Variants in ST3GAL1 observed in about 807,000 individuals in gnomAD.
ST3GAL1 encodes CMP-N-acetylneuraminate-beta-galactosamide-alpha-2,3-sialyltransferase 1.
Under a neutral mutation model 34.1 loss-of-function variants are expected in ST3GAL1, and 16 were observed. The ratio of observed to expected loss-of-function variants is 0.47; its 90% CI spans 0.32 to 0.71. The LOEUF is 0.71. ST3GAL1 is among the 30% of genes least tolerant of loss of function. The pLI, the probability that ST3GAL1 is intolerant of heterozygous loss-of-function variation, is 0.04. For missense variants in ST3GAL1, 353 were observed against 447.4 expected (o/e 0.79, Z 1.90); for synonymous variants, 191 against 184.7 (o/e 1.03, Z -0.28).
At chr8:133,480,538 T>A (rs931589510) in intron 3 of ST3GAL1, among the ~76,000 whole-genome samples, 2 of 152,168 alleles carry the variant, frequency 1.3e-5, no homozygotes, top group Non-Finnish European at 2.9e-5. Context: ...GTGCAGGCTG[T>A]TGGCAAAATT....
At chr8:133,530,575 G>A (rs746115099) in intron 2 of ST3GAL1, among the ~76,000 whole-genome samples, 8 of 152,174 alleles carry the variant, frequency 5.3e-5, no homozygotes, top group Non-Finnish European at 1.0e-4. Context: ...GTGCCACCGT[G>A]CCCAGTCCCT....
chr8:133,551,617 A>AGAAAGAGC (rs1491276488), intron 1 of ST3GAL1, among the ~76,000 whole-genome samples: 2 of 141,644 alleles, frequency 1.4e-5, no homozygotes, highest in African/African-American at 2.6e-5. Context: ...AAAGAAAGAA[A>AGAAAGAGC]GAGCGAGCAA....
At chr8:133,478,867 C>T (rs1816278012) in intron 3 of ST3GAL1, among the ~76,000 whole-genome samples, 1 of 152,218 alleles carries the variant, frequency 6.6e-6, no homozygotes, top group Admixed American at 6.5e-5. Flanking sequence ...GTGACCCTGT[C>T]ACCCGTGCAC....
intron 2 of ST3GAL1, among the ~76,000 whole-genome samples, chr8:133,504,589 T>C (rs574053463): frequency 6.6e-6 from 1 of 152,206 alleles, no homozygotes; most frequent in African/African-American, 2.4e-5. Flanking sequence ...TAGTTTGTTT[T>C]TCCCCCAAGT....
chr8:133,542,779 C>CAAAAAAAAAA (rs35321251), intron 2 of ST3GAL1, among the ~76,000 whole-genome samples: 6 of 85,504 alleles, frequency 7.0e-5, no homozygotes, highest in Non-Finnish European at 9.2e-5. Context: ...TCCTCCATCT[C>CAAAAAAAAAA]AAAAAAAAAA....
intron 1 of ST3GAL1, among the ~76,000 whole-genome samples, chr8:133,558,970 CA>C (rs1819137583): frequency 6.6e-6 from 1 of 151,944 alleles, no homozygotes; most frequent in South Asian, 2.1e-4. Flanking sequence ...TCCCACACCC[CA>C]AAAAGCTGTG....
intron 2 of ST3GAL1, among the ~76,000 whole-genome samples, chr8:133,544,776 A>G (rs1216158986): frequency 6.6e-6 from 1 of 152,210 alleles, no homozygotes; most frequent in African/African-American, 2.4e-5. Flanking sequence ...GATGGCTCCC[A>G]AAGAAATTTT....
intron 2 of ST3GAL1, among the ~76,000 whole-genome samples, chr8:133,531,447 G>C (rs914751196): frequency 6.6e-6 from 1 of 151,996 alleles, no homozygotes; most frequent in African/African-American, 2.4e-5. Flanking sequence ...ATAATCCTAC[G>C]AGTAGCTACT....
chr8:133,520,366 C>T (rs901144339), intron 2 of ST3GAL1, among the ~76,000 whole-genome samples: 2 of 152,222 alleles, frequency 1.3e-5, no homozygotes, highest in African/African-American at 4.8e-5. Context: ...TCTGGCACCA[C>T]AGAAGTTTCT....
chr8:133,477,487 C>T (rs67463213), intron 3 of ST3GAL1, among the ~76,000 whole-genome samples: 23,378 of 151,184 alleles, frequency 0.15, 2,457 homozygotes, highest in East Asian at 0.58. Flanking sequence ...GAGCAGGATC[C>T]GAGTCCAAAT....
chr8:133,544,076 T>A (rs1818609257), intron 2 of ST3GAL1: 1 of 152,126 alleles, frequency 6.6e-6, no homozygotes, highest in Non-Finnish European at 1.5e-5. Flanking sequence ...ATCAGTGGAG[T>A]CTCTGCTTTG....
In ST3GAL1 at chr8:133,466,050, G is replaced by A. The variant is rs748837570; in HGVS notation, c.347C>T (p.Thr116Ile). The A allele has an allele frequency of 2.4e-5, 38 of 1,613,866 alleles. No homozygotes were observed. The Middle Eastern group carries it at 6.6e-4, about 28-fold the overall frequency. Residue 116 changes from threonine to isoleucine, a missense_variant, in exon 6 of 10, where the codon ACC becomes ATC. Thr to Ile is a moderately conservative substitution (Grantham distance 89). Coordinates refer to ENST00000522652, the MANE Select transcript of ST3GAL1 (RefSeq NM_173344.3). The surrounding 1 kb of genome is among the most constrained non-coding windows in gnomAD (Gnocchi z 4.4). ...REKKPNNLND[T>I]IKELFRVVPG... is the part of the protein sequence containing the mutation. ...CACCACTCTGAACAGCTCCTTGATG[G>A]TGTCATTCAAGTTATTGGGCTTCTT...
intron 2 of ST3GAL1, among the ~76,000 whole-genome samples, chr8:133,510,560 TGA>T (rs1425599177): frequency 6.6e-6 from 1 of 152,168 alleles, no homozygotes; most frequent in Non-Finnish European, 1.5e-5. Context: ...CAAGTAAAAA[TGA>T]GAGTGGATTG....
chr8:133,516,973 T>C (rs568024538), intron 2 of ST3GAL1, among the ~76,000 whole-genome samples: 21 of 152,318 alleles, frequency 1.4e-4, no homozygotes, highest in African/African-American at 5.1e-4. Flanking sequence ...GGTGAACATA[T>C]TAGTTCAGCA....
At chr8:133,547,762 C>A (rs1302740400) in intron 1 of ST3GAL1, among the ~76,000 whole-genome samples, 2 of 152,196 alleles carry the variant, frequency 1.3e-5, no homozygotes, top group East Asian at 3.9e-4. Context: ...CTGACTGATA[C>A]AACCACTGAG....
At position 133,467,952 on chromosome 8, in the gene ST3GAL1, A is replaced by G. The variant is rs1048526067; in HGVS notation, c.307-1862T>C. Among the ~76,000 whole-genome samples, 4 of 152,236 alleles carry G rather than the reference A, an allele frequency of 2.6e-5. No individual in the cohort carries two copies. Among genetic ancestry groups the G allele is most frequent in the Non-Finnish European group, 4.4e-5 (3 of 68,048 alleles). On this transcript the variant is annotated intron_variant, in intron 5 of 9. Coordinates refer to ENST00000522652, the MANE Select transcript of ST3GAL1 (RefSeq NM_173344.3). This position sits in a 1 kb window ranked among gnomAD's most constrained non-coding sequence, Gnocchi z 4.2. ...CTTCACACCCACTGCTACAGTTATCATAAGTAAAAGGGCAAAACAACAGGT... is the reference window on the plus strand; with the variant it reads ...CTTCACACCCACTGCTACAGTTATCGTAAGTAAAAGGGCAAAACAACAGGT...
At chr8:133,551,563 AAAG>A (rs1818851671) in intron 1 of ST3GAL1, among the ~76,000 whole-genome samples, 1 of 146,054 alleles carries the variant, frequency 6.8e-6, no homozygotes, top group South Asian at 2.3e-4. Context: ...AGAAAGAAAG[AAAG>A]AAAGAAAGAA....
intron 2 of ST3GAL1, among the ~76,000 whole-genome samples, chr8:133,540,782 T>TATATATATATATAGAC (rs1818452930): frequency 1.5e-4 from 3 of 20,688 alleles, no homozygotes; most frequent in African/African-American, 4.3e-4. Context: ...TATAGAGACA[T>TATATATATATATAGAC]ATATATATAT....
At chr8:133,492,456 C>T (rs1223348003) in intron 3 of ST3GAL1, among the ~76,000 whole-genome samples, 2 of 152,186 alleles carry the variant, frequency 1.3e-5, no homozygotes, top group African/African-American at 2.4e-5. Flanking sequence ...CGTGGTGGCT[C>T]AAGCCTGTAA....
Sources: allele counts gnomAD v4.1 joint callset (sites outside exome capture counted in the v4.1 genomes callset), GRCh38; gene constraint gnomAD v4.1.1; non-coding constraint Gnocchi (gnomAD v3.1); transcripts MANE v1.5; gene names NCBI Gene and HGNC (gene_info 2026-07-23, HGNC 2026-07-21).